STXBP4: variants seen among roughly 807,000 people sequenced by gnomAD.
The protein encoded by STXBP4 is syntaxin-binding protein 4.
Under a neutral mutation model 76.1 loss-of-function variants are expected in STXBP4, and 55 were observed. The ratio of observed to expected loss-of-function variants is 0.72; its 90% CI spans 0.58 to 0.91. STXBP4 has a LOEUF of 0.91. STXBP4 is among the 40% of genes least tolerant of loss of function. The pLI, the probability that STXBP4 is intolerant of heterozygous loss-of-function variation, is 0.00. For missense variants in STXBP4, 618 were observed against 636.9 expected (o/e 0.97, Z 0.32); for synonymous variants, 201 against 220.2 (o/e 0.91, Z 0.77).
At chr17:55,052,014 A>C (rs2078865804) in intron 12 of STXBP4, among the ~76,000 whole-genome samples, 1 of 152,124 alleles carries the variant, frequency 6.6e-6, no homozygotes, top group Non-Finnish European at 1.5e-5. Flanking sequence ...GTCAAAAAAA[A>C]CATTAAGTCA....
At chr17:55,183,496 T>G in the STXBP4 span, among the ~76,000 whole-genome samples, 1 of 152,132 alleles carries the variant, frequency 6.6e-6, no homozygotes, top group African/African-American at 2.4e-5. Context: ...AGTAGAAAGC[T>G]CATGTTAAAA....
chr17:54,974,694 A>T (rs951614379), intron 1 of STXBP4, among the ~76,000 whole-genome samples: 1 of 152,226 alleles, frequency 6.6e-6, no homozygotes, highest in Non-Finnish European at 1.5e-5. Context: ...TTGGCCTAGA[A>T]AAGAATTCCA....
rs552043312 is a variant in STXBP4 at position 54,994,474 on chromosome 17, A to G, written c.180+3517A>G. Among the ~76,000 whole-genome samples, 6 of 152,338 alleles carry G rather than the reference A, an allele frequency of 3.9e-5. No individual in the cohort carries two copies. The South Asian group carries it at 1.0e-3, about 26-fold the overall frequency. ...GCTACACAAAGTCAGAAAATTTAAC[A>G]GCTTCCTATTTCAACTCCCATAACA... On this transcript the variant is annotated intron_variant, in intron 4 of 17. Coordinates refer to ENST00000376352, the MANE Select transcript of STXBP4 (RefSeq NM_178509.6).
At chr17:54,981,511 G>A (rs187151178) in intron 1 of STXBP4, among the ~76,000 whole-genome samples, 1 of 152,252 alleles carries the variant, frequency 6.6e-6, no homozygotes, top group Admixed American at 6.5e-5. Flanking sequence ...TTGAGACAAT[G>A]GGGTGGTCTT....
At chr17:55,029,617 G>A (rs2144671262) in intron 8 of STXBP4, among the ~76,000 whole-genome samples, 1 of 151,274 alleles carries the variant, frequency 6.6e-6, no homozygotes, top group South Asian at 2.1e-4. Context: ...GAGATAAGCA[G>A]ATGATGCTAG....
At chr17:55,029,810 G>C (rs535882536) in intron 8 of STXBP4, among the ~76,000 whole-genome samples, 6 of 152,068 alleles carry the variant, frequency 3.9e-5, no homozygotes, top group Middle Eastern at 6.8e-3. Context: ...TCACCCTTGA[G>C]ACCGTAAACT....
rs141674417 is a variant in STXBP4, at chr17:55,080,821, A to G, written c.1356-229A>G. 4.7e-3 allele frequency among the ~76,000 whole-genome samples: 710 copies of G among 152,302 alleles called. 14 individuals are homozygous for G. The highest frequency in any genetic ancestry group is 0.042 in the East Asian group (216 of 5,188). ...GTCATCCTTCTATTACTTCTTTATC[A>G]TACATGAAGTCAACCTAATTTTAAA... On this transcript the variant is annotated intron_variant, in intron 15 of 17. Transcript: ENST00000376352.
intron 16 of STXBP4, among the ~76,000 whole-genome samples, chr17:55,081,947 C>T (rs2079260799): frequency 6.6e-6 from 1 of 152,122 alleles, no homozygotes; most frequent in Non-Finnish European, 1.5e-5. Flanking sequence ...TGTGTCTCTC[C>T]AGACACTTTT....
chr17:54,991,068 A>C, intron 4 of STXBP4, 111 bp downstream of exon 4: 1 of 1,196,544 alleles, frequency 8.4e-7, no homozygotes, highest in Non-Finnish European at 1.1e-6. Context: ...ACCATACCTC[A>C]GTGAAAAATA....
chr17:55,097,458 T>C (rs911290218), intron 16 of STXBP4, among the ~76,000 whole-genome samples: 4 of 152,102 alleles, frequency 2.6e-5, no homozygotes, highest in Non-Finnish European at 5.9e-5. Flanking sequence ...GGTCAGGAGA[T>C]CGAGACCATC....
intron 16 of STXBP4, among the ~76,000 whole-genome samples, chr17:55,109,624 CTTTT>C (rs551292679): frequency 1.4e-3 from 159 of 114,368 alleles, no homozygotes; most frequent in African/African-American, 2.9e-3. Context: ...AACTCAATGT[CTTTT>C]TTTTTTTTTT....
chr17:55,058,239 C>T (rs1050778113), intron 12 of STXBP4, among the ~76,000 whole-genome samples: 15 of 152,092 alleles, frequency 9.9e-5, no homozygotes, highest in Non-Finnish European at 2.2e-4. Flanking sequence ...TTTTCATGAT[C>T]GCCATTCTAA....
intron 12 of STXBP4, among the ~76,000 whole-genome samples, chr17:55,072,684 G>A (rs936018755): frequency 6.6e-6 from 1 of 152,074 alleles, no homozygotes; most frequent in Non-Finnish European, 1.5e-5. Context: ...GAAGTCAAGA[G>A]ATTCCATGCT....
At chr17:55,073,183 G>A in intron 13 of STXBP4, 107 bp downstream of exon 13, 1 of 1,016,554 alleles carries the variant, frequency 9.8e-7, no homozygotes, top group Non-Finnish European at 1.5e-6. Flanking sequence ...GTCAGTGTTT[G>A]TCTTCTATTA....
Position 55,126,330 on chromosome 17 carries a change from C to T in STXBP4, c.1490-14980C>T, listed in dbSNP as rs575227135. 5.9e-5 allele frequency among the ~76,000 whole-genome samples: 9 copies of T among 152,080 alleles called. No individual in the cohort carries two copies. In the South Asian group the frequency reaches 6.2e-4, roughly 11 times the overall value. The stretch of plus-strand genomic sequence containing the variant: ...CTTGTTATACCTACATGCAATGAAG[C>T]GAAGGAAAACATGCTCATAATGAAT... On this transcript the variant is annotated intron_variant, in intron 16 of 17. Transcript: ENST00000376352.
intron 17 of STXBP4, among the ~76,000 whole-genome samples, chr17:55,153,471 T>C (rs2080238169): frequency 6.6e-6 from 1 of 152,226 alleles, no homozygotes; most frequent in Non-Finnish European, 1.5e-5. Flanking sequence ...CATTCTGTAG[T>C]ATAATATATA....
chr17:55,078,983 T>C (rs570655406), intron 15 of STXBP4, among the ~76,000 whole-genome samples: 1 of 152,316 alleles, frequency 6.6e-6, no homozygotes, highest in South Asian at 2.1e-4. Flanking sequence ...AGAAACCACC[T>C]ATCCTGTCTT....
the STXBP4 span, among the ~76,000 whole-genome samples, chr17:55,185,521 A>G: frequency 6.6e-6 from 1 of 152,164 alleles, no homozygotes; most frequent in Non-Finnish European, 1.5e-5. Flanking sequence ...AATGTTAATA[A>G]GGAATCTCTG....
At chr17:55,095,011 T>C (rs1158968019) in intron 16 of STXBP4, among the ~76,000 whole-genome samples, 6 of 152,176 alleles carry the variant, frequency 3.9e-5, no homozygotes, top group Non-Finnish European at 8.8e-5. Flanking sequence ...CATTAAGATA[T>C]GAAGGCACAG....
Sources: gnomAD v4.1 joint callset for allele counts (sites outside exome capture counted in the v4.1 genomes callset) on GRCh38, gnomAD v4.1.1 for gene constraint, MANE v1.5 for transcripts, NCBI Gene and HGNC (gene_info 2026-07-23, HGNC 2026-07-21) for gene names.